IGBP1: variants seen among roughly 807,000 people sequenced by gnomAD.
IGBP1 encodes the protein immunoglobulin binding protein 1, also known as immunoglobulin-binding protein 1.
Under a neutral mutation model 25.9 loss-of-function variants are expected in IGBP1, and 2 were observed. The observed-to-expected ratio is 0.08, with a 90% CI of 0.03 to 0.24. IGBP1 has a LOEUF of 0.24. IGBP1 is among the 10% of genes least tolerant of loss of function. The pLI is 1.00. For missense variants in IGBP1, 187 were observed against 260.4 expected (o/e 0.72, Z 1.94); for synonymous variants, 96 against 93.4 (o/e 1.03, Z -0.16).
chrX:70,142,921 T>G (rs1052284932), intron 3 of IGBP1, among the ~76,000 whole-genome samples: 3 of 96,236 alleles, frequency 3.1e-5, no homozygotes, highest in Non-Finnish European at 6.3e-5. Flanking sequence ...GAGTTGTTTT[T>G]TTTTTTTTTT....
chrX:70,147,747 G>C (rs1237330994), intron 4 of IGBP1, among the ~76,000 whole-genome samples: 1 of 111,976 alleles, frequency 8.9e-6, no homozygotes, highest in Non-Finnish European at 1.9e-5. Flanking sequence ...TGCTTCAAAA[G>C]AATAGGCTCT....
At chrX:70,163,255 C>T (rs1339601569) in intron 6 of IGBP1, among the ~76,000 whole-genome samples, 3 of 109,536 alleles carry the variant, frequency 2.7e-5, no homozygotes, top group Non-Finnish European at 3.8e-5. Context: ...CACAGGGTCT[C>T]GCCATCTTGC....
chrX:70,154,714 C>CAAAAAAAAAA (rs762954223), intron 6 of IGBP1, among the ~76,000 whole-genome samples: 3,048 of 27,042 alleles, frequency 0.11, 681 homozygotes, highest in Middle Eastern at 0.17. Flanking sequence ...CCCCTCTCCA[C>CAAAAAAAAAA]AAAAAAAAAA....
chrX:70,133,680 A>G, intron 1 of IGBP1, 43 bp from the exon 2 acceptor site: 1 of 431,737 alleles, frequency 2.3e-6, no homozygotes, highest in East Asian at 3.8e-5. Context: ...AGCTCATGGT[A>G]AAACAGCGCC....
intron 3 of IGBP1, among the ~76,000 whole-genome samples, chrX:70,136,078 G>T (rs780334254): frequency 9.0e-6 from 1 of 111,658 alleles, no homozygotes; most frequent in South Asian, 3.8e-4. Context: ...ATTATTATTT[G>T]TGGCTAAGAG....
At chrX:70,134,204 C>A in intron 2 of IGBP1, 69 bp downstream of exon 2, 3 of 1,004,501 alleles carry the variant, frequency 3.0e-6, no homozygotes, top group Non-Finnish European at 4.2e-6. Flanking sequence ...GGAGCCATTG[C>A]GCCTGAGTGG....
chrX:70,166,119 A>AGTC lies in IGBP1; in HGVS notation c.*138_*139insGTC. On this transcript the variant is annotated 3_prime_UTR_variant, in exon 7 of 7. Coordinates refer to ENST00000356413, the MANE Select transcript of IGBP1 (RefSeq NM_001551.3). ...TGCTAAATCTTGCTTTGCATTCAGTAAAGTGTCAAGTGATTAAGTGTGTAT... is the reference window on the plus strand; with the variant it reads ...TGCTAAATCTTGCTTTGCATTCAGTAGTCAAGTGTCAAGTGATTAAGTGTGTAT... 2 of 574,184 alleles carry AGTC rather than the reference A, an allele frequency of 3.5e-6. No homozygotes were observed. The highest frequency in any genetic ancestry group is 5.6e-6 in the Non-Finnish European group (2 of 356,916). 47.3% of individuals were successfully genotyped at this position (574,184 alleles called of 1,213,427 possible).
intron 3 of IGBP1, 86 bp from the exon 4 acceptor site, chrX:70,146,547 G>T: frequency 1.3e-6 from 1 of 773,591 alleles, no homozygotes; most frequent in Middle Eastern, 2.8e-4. Context: ...CCTATCATTT[G>T]CAAAGGTAAA....
At position 70,134,120 on chromosome X, in the gene IGBP1, A is replaced by G. The variant is rs2085080472; in HGVS notation, c.173A>G (p.Gln58Arg). The change falls in exon 2 of 7, where the codon CAG (glutamine) becomes CGG (arginine). Residue 58 changes from glutamine (Q) to arginine (R), a missense_variant. Physicochemically the swap from Gln to Arg is conservative, Grantham distance 43. Transcript: ENST00000356413. ...GAGAAGGCTGCCGAAATGTTATCGC[A>G]GCTCGACTTGTTCAGGTATGGGGGA... The part of the protein sequence containing the change: ...LLEKAAEMLS[Q>R]LDLFSRNEDL... 8.3e-6 allele frequency: 10 copies of G among 1,210,226 alleles called. No individual in the cohort carries two copies. Among genetic ancestry groups the G allele is most frequent in the Non-Finnish European group, 9.0e-6 (8 of 893,693 alleles).
At chrX:70,160,619 CAA>C (rs1235543824) in intron 6 of IGBP1, among the ~76,000 whole-genome samples, 2 of 112,062 alleles carry the variant, frequency 1.8e-5, no homozygotes, top group Admixed American at 9.5e-5. Context: ...TTCAGACAGC[CAA>C]AGTGTTGAGA....
At chrX:70,134,935 C>G in intron 3 of IGBP1, 119 bp downstream of exon 3, 1 of 707,826 alleles carries the variant, frequency 1.4e-6, no homozygotes, top group Non-Finnish European at 2.2e-6. Flanking sequence ...TCTTATTGAG[C>G]ATAGGCCCTA....
chrX:70,165,875 A>T lies in IGBP1; in HGVS notation c.914A>T (p.Glu305Val). The T allele has an allele frequency of 8.3e-7, 1 of 1,209,110 alleles. No individual in the cohort carries two copies. The highest frequency in any genetic ancestry group is 1.1e-6 in the Non-Finnish European group (1 of 893,649). ...GCTCAGCAACAGGAAGAACAAGAAGAAAAGGAGGAAGAGGATGATGAACAA... is the reference window on the plus strand; with the variant it reads ...GCTCAGCAACAGGAAGAACAAGAAGTAAAGGAGGAAGAGGATGATGAACAA... ...KAAQQQEEQE[E>V]KEEEDDEQTL... Residue 305 changes from glutamate to valine, a missense_variant, in exon 7 of 7, where the codon GAA becomes GTA. Coordinates refer to ENST00000356413, the MANE Select transcript of IGBP1 (RefSeq NM_001551.3).
At position 70,148,772 on chromosome X, in the gene IGBP1, T is replaced by C. The variant is rs752198903; in HGVS notation, c.690T>C (p.Ser230=). Residue 230 remains serine (S), a synonymous_variant, in exon 5 of 7, where the codon TCT becomes TCC. Transcript: ENST00000356413. ...AATTTCCTTCTTAGGCATCAACTTC[T>C]AACTCATCTCGCCAGGAGAGGCCTC... The part of the protein sequence containing the change: ...ERDSSREAST[S]NSSRQERPPV... 5.8e-6 allele frequency: 7 copies of C among 1,199,570 alleles called. No individual in the cohort carries two copies. In the African/African-American group the frequency reaches 1.0e-4, roughly 18 times the overall value.
At position 70,133,924 on chromosome X, in the gene IGBP1, C is replaced by G; in HGVS notation, c.-24C>G. 8.3e-7 allele frequency: 1 copy of G among 1,199,325 alleles called. No homozygotes were observed. Among genetic ancestry groups the G allele is most frequent in the Non-Finnish European group, 1.1e-6 (1 of 885,415 alleles). On this transcript the variant is annotated 5_prime_UTR_variant, in exon 2 of 7. In the 5' UTR this introduces an upstream ATG that the reference lacks. Transcript: ENST00000356413. ...TTGCCTTTGACCCCGGAAAAGAGAT[C>G]TTCCGGGTTCCTCTCTCCCCAAGAT...
At chrX:70,160,804 C>T (rs1420405433) in intron 6 of IGBP1, among the ~76,000 whole-genome samples, 1 of 111,758 alleles carries the variant, frequency 8.9e-6, no homozygotes. Context: ...TAACAGTTCT[C>T]AGTAATTATA....
chrX:70,149,884 T>G (rs1478514676), intron 5 of IGBP1, among the ~76,000 whole-genome samples: 2 of 111,617 alleles, frequency 1.8e-5, no homozygotes, highest in African/African-American at 6.5e-5. Flanking sequence ...TTTCTGTACC[T>G]TTCAGAGTCA....
chrX:70,165,416 C>T (rs1160824837), intron 6 of IGBP1, among the ~76,000 whole-genome samples: 1 of 110,958 alleles, frequency 9.0e-6, no homozygotes, highest in African/African-American at 3.3e-5. Flanking sequence ...TGCAATCCCA[C>T]CCCCCTGGCA....
rs1194774053 is a variant in IGBP1 at position 70,134,076 on chromosome X, C to T, written c.129C>T (p.Phe43=). The change falls in exon 2 of 7, where the codon TTC becomes TTT. Residue 43 remains phenylalanine, a synonymous_variant. Transcript: ENST00000356413. ...CCCGGATAGTCCAGGAGAAGGTGTT[C>T]AAGGGCTTGGACCTCCTTGAGAAGG... The part of the protein sequence containing the change: ...AGSRIVQEKV[F]KGLDLLEKAA... 2 of 1,211,849 alleles carry T rather than the reference C, an allele frequency of 1.7e-6. No homozygotes were observed. The highest frequency in any genetic ancestry group is 2.2e-6 in the Non-Finnish European group (2 of 895,282).
rs1174036080 is a variant in IGBP1 at position 70,142,467 on chromosome X, T to G, written c.483-4166T>G. Reference sequence around the variant, plus strand: ...CCAGGAGGATGATCAATAAATAGAGTGAGGCCCGGAAGAATGTGTGGGGGG... The same window carrying G: ...CCAGGAGGATGATCAATAAATAGAGGGAGGCCCGGAAGAATGTGTGGGGGG... On this transcript the variant is annotated intron_variant, in intron 3 of 6. Transcript: ENST00000356413. Among the ~76,000 whole-genome samples, 5 of 109,958 alleles carry G rather than the reference T, an allele frequency of 4.5e-5. No homozygotes were observed. In the East Asian group the frequency reaches 1.2e-3, roughly 25 times the overall value.
Sources: gnomAD v4.1 joint callset for allele counts (sites outside exome capture counted in the v4.1 genomes callset) on GRCh38, gnomAD v4.1.1 for gene constraint, MANE v1.5 for transcripts, NCBI Gene and HGNC (gene_info 2026-07-23, HGNC 2026-07-21) for gene names.